MACROD2: variants seen among roughly 807,000 people sequenced by gnomAD.
The protein encoded by MACROD2 is ADP-ribose glycohydrolase MACROD2.
A neutral mutation model predicts 70.4 loss-of-function variants in MACROD2; 36 were observed. That is an observed-to-expected ratio of 0.51 (90% CI 0.39 to 0.68). MACROD2 has a LOEUF of 0.68. Ranked by LOEUF, MACROD2 falls within the 30% of genes least tolerant of loss-of-function variation. MACROD2 has a pLI of 0.00. For missense variants in MACROD2, 496 were observed against 538.4 expected (o/e 0.92, Z 0.78); for synonymous variants, 172 against 178.8 (o/e 0.96, Z 0.30).
chr20:14,150,766 TAAAA>T (rs1165520020), intron 3 of MACROD2, among the ~76,000 whole-genome samples: 9 of 152,136 alleles, frequency 5.9e-5, no homozygotes, highest in Admixed American at 1.3e-4. Flanking sequence ...AATTTAGTAA[TAAAA>T]AAGAAGAATG....
rs1157057799 is a variant in MACROD2 at position 15,353,402 on chromosome 20, G to A, written c.541-78003G>A. 3.0e-3 allele frequency among the ~76,000 whole-genome samples: 455 copies of A among 152,056 alleles called. 1 individual carries two copies. The highest frequency in any genetic ancestry group is 3.8e-3 in the Non-Finnish European group (255 of 67,960). On this transcript the variant is annotated intron_variant, in intron 6 of 17. Coordinates refer to ENST00000684519, the MANE Select transcript of MACROD2 (RefSeq NM_001351661.2). ...TTAGACCTAAAACCATAAAAACCCTGGAAGAAAACCTAGGCAATACCATTC... is the reference window on the plus strand; with the variant it reads ...TTAGACCTAAAACCATAAAAACCCTAGAAGAAAACCTAGGCAATACCATTC...
chr20:14,498,660 A>G (rs2084883338), intron 4 of MACROD2, among the ~76,000 whole-genome samples: 1 of 152,242 alleles, frequency 6.6e-6, no homozygotes, highest in Admixed American at 6.5e-5. Context: ...GGCAGAGCAG[A>G]TATCCTGAAA....
intron 3 of MACROD2, among the ~76,000 whole-genome samples, chr20:14,490,581 G>T (rs2084783145): frequency 6.6e-6 from 1 of 152,088 alleles, no homozygotes; most frequent in Admixed American, 6.6e-5. Flanking sequence ...TCATAAGCAT[G>T]CTCAGAGAAG....
chr20:14,227,948 AAAATTAATAGAC>A (rs1384017584), intron 3 of MACROD2, among the ~76,000 whole-genome samples: 1 of 152,138 alleles, frequency 6.6e-6, no homozygotes, highest in Non-Finnish European at 1.5e-5. Flanking sequence ...ACCATTTTAA[AAAATTAATAGAC>A]TTTATTTTTA....
At chr20:15,786,559 A>G (rs1204227874) in intron 8 of MACROD2, among the ~76,000 whole-genome samples, 1 of 152,234 alleles carries the variant, frequency 6.6e-6, no homozygotes, top group East Asian at 1.9e-4. Flanking sequence ...TTATAACAGA[A>G]TAAGATAATA....
At chr20:15,984,437 C>T (rs2066447946) in intron 13 of MACROD2, among the ~76,000 whole-genome samples, 1 of 152,058 alleles carries the variant, frequency 6.6e-6, no homozygotes, top group Middle Eastern at 3.4e-3. Flanking sequence ...ACTCAGGAGG[C>T]CTTATTACTT....
intron 5 of MACROD2, among the ~76,000 whole-genome samples, chr20:14,735,722 T>A (rs2071656260): frequency 6.6e-6 from 1 of 152,146 alleles, no homozygotes; most frequent in Middle Eastern, 3.4e-3. Context: ...TGATGGTGCA[T>A]GCCTGTAGTC....
intron 5 of MACROD2, among the ~76,000 whole-genome samples, chr20:15,104,686 G>T (rs1470931092): frequency 1.3e-5 from 2 of 152,096 alleles, no homozygotes; most frequent in East Asian, 3.9e-4. Flanking sequence ...TTACTTACCT[G>T]CAGGACTGGG....
intron 4 of MACROD2, among the ~76,000 whole-genome samples, chr20:14,494,515 G>A (rs1254559316): frequency 2.0e-5 from 3 of 152,118 alleles, no homozygotes; most frequent in African/African-American, 7.2e-5. Context: ...TGCATGTTCT[G>A]TACCAGAGTA....
At chr20:15,940,007 G>A (rs770915374) in intron 12 of MACROD2, among the ~76,000 whole-genome samples, 3 of 152,144 alleles carry the variant, frequency 2.0e-5, no homozygotes, top group Non-Finnish European at 2.9e-5. Context: ...ATGAGAAGTT[G>A]CATCTTATTT....
chr20:15,512,759 C>T (rs566584269), intron 8 of MACROD2, among the ~76,000 whole-genome samples: 19 of 152,288 alleles, frequency 1.2e-4, no homozygotes, highest in South Asian at 1.2e-3. Context: ...GTCCCCCCAC[C>T]GCTGGCACAA....
chr20:14,287,438 G>C (rs959469521), intron 3 of MACROD2, among the ~76,000 whole-genome samples: 17 of 116,164 alleles, frequency 1.5e-4, no homozygotes, highest in African/African-American at 5.0e-4. Flanking sequence ...GATCATTGCA[G>C]CCTACGTTTA....
At chr20:15,162,253 T>A (rs902849476) in intron 5 of MACROD2, among the ~76,000 whole-genome samples, 14 of 151,450 alleles carry the variant, frequency 9.2e-5, no homozygotes, top group African/African-American at 3.4e-4. Flanking sequence ...GAAAGAGGAG[T>A]GGTAGGAGTG....
At chr20:15,968,796 CGTATATATATATATAT>C (rs1369038541) in intron 13 of MACROD2, among the ~76,000 whole-genome samples, 559 of 50,224 alleles carry the variant, frequency 0.011, 3 homozygotes, top group African/African-American at 0.031. Context: ...ATATATTATG[CGTATATATATATATAT>C]ATATATATAT....
chr20:14,887,104 T>A (rs1568854877), intron 5 of MACROD2, among the ~76,000 whole-genome samples: 3 of 152,118 alleles, frequency 2.0e-5, no homozygotes, highest in Non-Finnish European at 4.4e-5. Flanking sequence ...GTATATTTAT[T>A]ACAAAAATTC....
At chr20:14,977,242 T>G (rs772836876) in intron 5 of MACROD2, among the ~76,000 whole-genome samples, 1 of 151,614 alleles carries the variant, frequency 6.6e-6, no homozygotes, top group Non-Finnish European at 1.5e-5. Flanking sequence ...AACTAAACTT[T>G]CAGCAAATCT....
chr20:15,211,630 A>C (rs532484892), intron 5 of MACROD2, among the ~76,000 whole-genome samples: 2 of 152,112 alleles, frequency 1.3e-5, no homozygotes, highest in South Asian at 4.2e-4. Context: ...GTCTCTTACC[A>C]TGTGGCATAC....
chr20:14,716,241 T>C (rs1376842466), intron 5 of MACROD2, among the ~76,000 whole-genome samples: 1 of 152,180 alleles, frequency 6.6e-6, no homozygotes, highest in African/African-American at 2.4e-5. Context: ...GTGGCAGTTG[T>C]CTTGGGATAT....
intron 5 of MACROD2, among the ~76,000 whole-genome samples, chr20:15,223,832 G>GA (rs1167771612): frequency 6.6e-6 from 1 of 152,094 alleles, no homozygotes; most frequent in Non-Finnish European, 1.5e-5. Flanking sequence ...CCTTCCATCT[G>GA]AAAAAATATG....
Sources: allele counts gnomAD v4.1 joint callset (sites outside exome capture counted in the v4.1 genomes callset), GRCh38; gene constraint gnomAD v4.1.1; transcripts MANE v1.5; gene names NCBI Gene and HGNC (gene_info 2026-07-23, HGNC 2026-07-21).